The following ANKRD11 variants were observed in gnomAD, a reference collection of about 807,000 sequenced individuals.
ANKRD11 encodes the protein ankyrin repeat domain-containing protein 11.
ANKRD11 carries 17 observed loss-of-function variants against 195.7 expected under a neutral mutation model. The observed-to-expected ratio is 0.09, with a 90% CI of 0.06 to 0.13. ANKRD11 has a LOEUF of 0.13. ANKRD11 is among the 10% of genes least tolerant of loss of function. The probability of loss-of-function intolerance (pLI) is 1.00; values close to 1 mark genes in which losing one functional copy is unlikely to be tolerated. For missense variants in ANKRD11, 3,735 were observed against 3,566.1 expected (o/e 1.05, Z -1.21); for synonymous variants, 1,953 against 1,528.1 (o/e 1.28, Z -6.49).
Position 89,281,096 on chromosome 16 carries a change from G to A in ANKRD11, c.5446C>T (p.Pro1816Ser), listed in dbSNP as rs371567838. ...GGAGAGTCGTAGCTGGAGGCAGCAGGAACGCTCTGCTGCCTGAAGAGCTTG... is the reference window on the plus strand; with the variant it reads ...GGAGAGTCGTAGCTGGAGGCAGCAGAAACGCTCTGCTGCCTGAAGAGCTTG... ...GDKLFRQQSV[P>S]AASSYDSPMP... Residue 1816 changes from proline (P) to serine (S), a missense_variant, in exon 9 of 13, where the codon CCT becomes TCT. Physicochemically the swap from Pro to Ser is moderately conservative, Grantham distance 74. Coordinates refer to ENST00000301030, the MANE Select transcript of ANKRD11 (RefSeq NM_013275.6). This position sits in a 1 kb window ranked among gnomAD's most constrained non-coding sequence, Gnocchi z 5.5. 3.1e-6 allele frequency: 5 copies of A among 1,610,346 alleles called. No individual in the cohort carries two copies. In the African/African-American group the frequency reaches 6.7e-5, roughly 22 times the overall value.
At chr16:89,422,022 G>C (rs1319137230) in intron 1 of ANKRD11, 1 of 152,194 alleles carries the variant, frequency 6.6e-6, no homozygotes, top group Non-Finnish European at 1.5e-5. Flanking sequence ...TCTGAATGGT[G>C]GAGCAATGTG....
chr16:89,421,169 T>C (rs2042495728), intron 1 of ANKRD11, among the ~76,000 whole-genome samples: 1 of 138,758 alleles, frequency 7.2e-6, no homozygotes, highest in East Asian at 2.3e-4. Flanking sequence ...GATGGGACCA[T>C]CACCCGTCCA....
chr16:89,277,104 C>T (rs2033721890), intron 9 of ANKRD11, among the ~76,000 whole-genome samples: 1 of 152,004 alleles, frequency 6.6e-6, no homozygotes, highest in African/African-American at 2.4e-5. Flanking sequence ...CCCTCTAGTC[C>T]ACAGACCTCA....
intron 12 of ANKRD11, among the ~76,000 whole-genome samples, chr16:89,269,188 A>G (rs2032911958): frequency 6.6e-6 from 1 of 152,068 alleles, no homozygotes; most frequent in Admixed American, 6.6e-5. Flanking sequence ...TCTTTTTTAG[A>G]TACCGTCTCA....
At chr16:89,415,437 T>C (rs1489632692) in intron 2 of ANKRD11, among the ~76,000 whole-genome samples, 1 of 150,968 alleles carries the variant, frequency 6.6e-6, no homozygotes, top group Non-Finnish European at 1.5e-5. Flanking sequence ...GCTAATTTTT[T>C]GTATTTTTAG....
chr16:89,282,909 T>G lies in ANKRD11; in HGVS notation c.3633A>C (p.Lys1211Asn). 6.2e-7 allele frequency: 1 copy of G among 1,613,284 alleles called. No homozygotes were observed. ...VFEKHKEKKDKESTEKYKDRK... is the reference protein window; with the variant it reads ...VFEKHKEKKDNESTEKYKDRK... ...TGTCCTTGTACTTTTCTGTGGACTC[T>G]TTATCCTTCTTCTCCTTGTGCTTTT... Residue 1211 changes from lysine (K) to asparagine (N), a missense_variant, in exon 9 of 13, where the codon AAA becomes AAC. By Grantham distance (94) the Lys-to-Asn change is moderately conservative. Transcript: ENST00000301030.
At chr16:89,435,582 T>A (rs951309948) in intron 1 of ANKRD11, among the ~76,000 whole-genome samples, 2 of 151,834 alleles carry the variant, frequency 1.3e-5, no homozygotes, top group East Asian at 1.9e-4. Flanking sequence ...AGGAACAAAC[T>A]CCGGACACAC....
At chr16:89,422,401 A>G (rs1031852110) in intron 1 of ANKRD11, among the ~76,000 whole-genome samples, 1 of 152,168 alleles carries the variant, frequency 6.6e-6, no homozygotes, top group African/African-American at 2.4e-5. Context: ...TTATCACCAA[A>G]AAGAAGTGGT....
At chr16:89,395,646 T>C (rs1175817934) in intron 2 of ANKRD11, 2 of 152,222 alleles carry the variant, frequency 1.3e-5, no homozygotes, top group Non-Finnish European at 1.5e-5. Flanking sequence ...ATACAGACTC[T>C]TCTAAGGGTG....
At chr16:89,289,154 C>A (rs1316212379) in intron 6 of ANKRD11, among the ~76,000 whole-genome samples, 1 of 152,218 alleles carries the variant, frequency 6.6e-6, no homozygotes, top group Non-Finnish European at 1.5e-5. Context: ...CCACCCCGGG[C>A]AGGCAGCTCC....
At chr16:89,306,843 A>C (rs2036302213) in intron 3 of ANKRD11, among the ~76,000 whole-genome samples, 1 of 18,940 alleles carries the variant, frequency 5.3e-5, no homozygotes, top group Admixed American at 4.8e-4. Context: ...CGCGCCACTT[A>C]CCTCCCACTC....
intron 2 of ANKRD11, among the ~76,000 whole-genome samples, chr16:89,355,307 C>G (rs1035931818): frequency 2.0e-5 from 3 of 151,918 alleles, no homozygotes; most frequent in Admixed American, 6.6e-5. Flanking sequence ...GGCGGGCGGA[C>G]GGCTCACACA....
intron 1 of ANKRD11, among the ~76,000 whole-genome samples, chr16:89,489,648 G>A (rs998046919): frequency 2.0e-5 from 3 of 151,858 alleles, no homozygotes; most frequent in Non-Finnish European, 2.9e-5. Context: ...AGAGGTCGGC[G>A]CCCCAGCTCC....
chr16:89,398,498 C>T (rs1346614285), intron 2 of ANKRD11, among the ~76,000 whole-genome samples: 1 of 152,184 alleles, frequency 6.6e-6, no homozygotes, highest in African/African-American at 2.4e-5. Flanking sequence ...ATGAGGACTG[C>T]TTGAGCCCAG....
In ANKRD11 at chr16:89,418,345, T is replaced by G. The variant is rs751043617; in HGVS notation, c.-121A>C. 1.3e-5 allele frequency: 6 copies of G among 453,862 alleles called. No individual in the cohort carries two copies. The highest frequency in any genetic ancestry group is 9.3e-5 in the South Asian group (6 of 64,458). The allele number at this position is 453,862 out of a possible 1,614,324, so 28.1% of individuals were successfully genotyped here. A position where few individuals can be genotyped will look rare whatever the true frequency, so the allele number is the denominator to read the frequency against. ...GTCTTTTAAATCCAATGGAGGTGTG[T>G]CCCAGAGCAGGGCTGTATATATTCT... On this transcript the variant is annotated 5_prime_UTR_variant, in exon 2 of 13. Transcript: ENST00000301030.
intron 2 of ANKRD11, among the ~76,000 whole-genome samples, chr16:89,340,641 T>G (rs567811594): frequency 6.6e-6 from 1 of 152,334 alleles, no homozygotes; most frequent in East Asian, 1.9e-4. Context: ...CACATCATCT[T>G]TTTTTCTAAC....
At chr16:89,445,981 CAAAAAAAAAAATTTTTTGT>C (rs2043768975) in intron 1 of ANKRD11, among the ~76,000 whole-genome samples, 1 of 59,254 alleles carries the variant, frequency 1.7e-5, no homozygotes, top group Non-Finnish European at 4.4e-5. Context: ...AAAACAAAAA[CAAAAAAAAAAATTTTTTGT>C]TAAAAAAAAA....
chr16:89,282,635 C>T lies in ANKRD11; in HGVS notation c.3907G>A (p.Val1303Ile). The part of the protein sequence containing the change: ...REDSNDKISE[V>I]SSDSFTDRGQ... ...CGGTCCGTGAAGCTGTCAGAGGAGACCTCGCTGATTTTATCGTTGGAGTCT... is the reference window on the plus strand; with the variant it reads ...CGGTCCGTGAAGCTGTCAGAGGAGATCTCGCTGATTTTATCGTTGGAGTCT... Residue 1303 changes from valine (V) to isoleucine (I), a missense_variant, in exon 9 of 13, where the codon GTC becomes ATC. By Grantham distance (29) the Val-to-Ile change is conservative. Coordinates refer to ENST00000301030, the MANE Select transcript of ANKRD11 (RefSeq NM_013275.6). The T allele has an allele frequency of 6.2e-7, 1 of 1,614,206 alleles. No homozygotes were observed. Among genetic ancestry groups the T allele is most frequent in the South Asian group, 1.1e-5 (1 of 91,076 alleles).
chr16:89,292,098 C>G (rs1029337282), intron 4 of ANKRD11, among the ~76,000 whole-genome samples: 1 of 152,162 alleles, frequency 6.6e-6, no homozygotes, highest in African/African-American at 2.4e-5. Flanking sequence ...CTGGGGTTTT[C>G]TAGGTCATGG....
Sources: allele counts gnomAD v4.1 joint callset (sites outside exome capture counted in the v4.1 genomes callset), GRCh38; gene constraint gnomAD v4.1.1; non-coding constraint Gnocchi (gnomAD v3.1); transcripts MANE v1.5; gene names NCBI Gene and HGNC (gene_info 2026-07-23, HGNC 2026-07-21).